SMCHD1: variants seen among roughly 807,000 people sequenced by gnomAD.
The protein encoded by SMCHD1 is structural maintenance of chromosomes flexible hinge domain-containing protein 1.
Under a neutral mutation model 254.7 loss-of-function variants are expected in SMCHD1, and 78 were observed. That is an observed-to-expected ratio of 0.31 (90% CI 0.26 to 0.37). The LOEUF (loss-of-function observed/expected upper bound fraction) is 0.37. Among genes scored for constraint, SMCHD1 ranks in the 10% least tolerant of loss-of-function variants. SMCHD1 has a pLI of 1.00. For synonymous variants in SMCHD1, 766 were observed against 794.9 expected (o/e 0.96, Z 0.61); for missense variants, 1,840 against 2,408.1 (o/e 0.76, Z 4.94).
intron 5 of SMCHD1, among the ~76,000 whole-genome samples, chr18:2,678,847 G>GTTT (rs553506758): frequency 1.4e-5 from 1 of 70,510 alleles, no homozygotes; most frequent in Non-Finnish European, 3.5e-5. Flanking sequence ...TTGTTTGTTT[G>GTTT]TTTTTTTGTT....
chr18:2,715,076 G>C (rs2074766902), intron 17 of SMCHD1, among the ~76,000 whole-genome samples: 1 of 152,082 alleles, frequency 6.6e-6, no homozygotes, highest in Non-Finnish European at 1.5e-5. Context: ...TCTATATATT[G>C]TAGTGAGGCC....
At chr18:2,752,339 A>G (rs2075590878) in intron 33 of SMCHD1, 149 bp from the exon 34 acceptor site, 2 of 628,010 alleles carry the variant, frequency 3.2e-6, no homozygotes, top group East Asian at 6.0e-5. Flanking sequence ...TATTATGAAG[A>G]TATAAACGTG....
intron 3 of SMCHD1, among the ~76,000 whole-genome samples, chr18:2,668,500 T>C (rs1177159845): frequency 6.6e-6 from 1 of 152,210 alleles, no homozygotes; most frequent in South Asian, 2.1e-4. Context: ...ATTTAAACTT[T>C]AGGAGAGTGA....
chr18:2,709,602 GT>G lies in SMCHD1; in HGVS notation c.2260+1688del, dbSNP rs200044352. ...AGATATGAAGTGGTATCTTACTGTG[GT>G]TTTTTCCCCCCTTTTTCCTACTAAA... On this transcript the variant is annotated intron_variant, in intron 17 of 47. Coordinates refer to ENST00000320876, the MANE Select transcript of SMCHD1 (RefSeq NM_015295.3). 6.5e-3 allele frequency among the ~76,000 whole-genome samples: 989 copies of G among 152,126 alleles called. 18 individuals carry two copies. The highest frequency in any genetic ancestry group is 0.055 in the South Asian group (264 of 4,818).
Position 2,700,900 on chromosome 18 carries a change from A to C in SMCHD1, c.1629A>C (p.Thr543=). The stretch of plus-strand genomic sequence containing the variant: ...TGAAAGATAAGAACACCCTTTTTAC[A>C]AGGATTTTAAATGGACAGGTATGAT... The part of the protein sequence containing the change: ...LKLKDKNTLF[T]RILNGQEQRM... The change falls in exon 12 of 48, where the codon ACA becomes ACC. Residue 543 remains threonine, a synonymous_variant. Transcript: ENST00000320876. The C allele has an allele frequency of 6.3e-7, 1 of 1,597,672 alleles. No individual in the cohort carries two copies. The highest frequency in any genetic ancestry group is 8.5e-7 in the Non-Finnish European group (1 of 1,172,640).
chr18:2,707,556 A>C lies in SMCHD1; in HGVS notation c.2064-7A>C. The C allele has an allele frequency of 6.3e-7, 1 of 1,581,074 alleles. No homozygotes were observed. The highest frequency in any genetic ancestry group is 8.6e-7 in the Non-Finnish European group (1 of 1,160,716). Reference sequence around the variant, plus strand: ...TGTGGAACATTAATATGCTGGTTTCATAACAGGCTCCCTGATAGATTGTCA... The same window carrying C: ...TGTGGAACATTAATATGCTGGTTTCCTAACAGGCTCCCTGATAGATTGTCA... On this transcript the variant is annotated splice_polypyrimidine_tract_variant and splice_region_variant and intron_variant, in intron 15 of 47. Coordinates refer to ENST00000320876, the MANE Select transcript of SMCHD1 (RefSeq NM_015295.3).
chr18:2,706,643 CAG>C (rs1380175206), intron 15 of SMCHD1, 173 bp downstream of exon 15: 6 of 430,780 alleles, frequency 1.4e-5, no homozygotes, highest in African/African-American at 4.1e-5. Flanking sequence ...GTTATACAAA[CAG>C]AATTCTGCAT....
At chr18:2,795,170 C>T (rs2076238957) in intron 45 of SMCHD1, among the ~76,000 whole-genome samples, 1 of 152,154 alleles carries the variant, frequency 6.6e-6, no homozygotes, top group Admixed American at 6.5e-5. Context: ...TCTCCTGCCT[C>T]AGCCTCCCAA....
chr18:2,697,189 A>G (rs999771679), intron 9 of SMCHD1, 67 bp downstream of exon 9: 3 of 760,196 alleles, frequency 3.9e-6, no homozygotes, highest in Admixed American at 7.1e-5. Context: ...CAAATGACTC[A>G]GGATAATAAA....
chr18:2,709,356 C>T (rs924409728), intron 17 of SMCHD1, among the ~76,000 whole-genome samples: 5 of 151,950 alleles, frequency 3.3e-5, no homozygotes, highest in African/African-American at 9.7e-5. Flanking sequence ...CTCCTGTGAA[C>T]ATCAGTGTAC....
At chr18:2,676,393 G>A (rs2143859430) in intron 5 of SMCHD1, among the ~76,000 whole-genome samples, 1 of 152,308 alleles carries the variant, frequency 6.6e-6, no homozygotes, top group African/African-American at 2.4e-5. Flanking sequence ...GCCTCTTTGA[G>A]ATTATATTTG....
intron 34 of SMCHD1, among the ~76,000 whole-genome samples, chr18:2,758,084 G>A (rs983700625): frequency 2.6e-5 from 4 of 152,072 alleles, no homozygotes; most frequent in Non-Finnish European, 5.9e-5. Context: ...ATTCTTTTAA[G>A]TGTATCTTTT....
chr18:2,700,417 G>A (rs1040751683), intron 10 of SMCHD1, 122 bp from the exon 11 acceptor site: 2 of 1,062,432 alleles, frequency 1.9e-6, no homozygotes, highest in Non-Finnish European at 1.3e-6. Flanking sequence ...CTTTTTGTGG[G>A]CAAACAGTAT....
chr18:2,678,209 T>TTTTCTTTCTTTCTTTC (rs149849879), intron 5 of SMCHD1, among the ~76,000 whole-genome samples: 1 of 110,538 alleles, frequency 9.0e-6, no homozygotes, highest in African/African-American at 3.0e-5. Context: ...CTTTTCTTTC[T>TTTTCTTTCTTTCTTTC]TTTCTTTCTT....
intron 21 of SMCHD1, among the ~76,000 whole-genome samples, chr18:2,725,211 AT>A (rs367797856): frequency 1.3e-5 from 2 of 151,956 alleles, no homozygotes; most frequent in African/African-American, 2.4e-5. Flanking sequence ...TTAAACATGA[AT>A]TAAATATTTT....
intron 39 of SMCHD1, among the ~76,000 whole-genome samples, chr18:2,770,661 G>A (rs1445961006): frequency 7.3e-5 from 11 of 151,724 alleles, no homozygotes; most frequent in African/African-American, 2.2e-4. Flanking sequence ...AGTCTCTGTC[G>A]CCCAGGCTGG....
At chr18:2,670,557 C>T (rs1048827039) in intron 3 of SMCHD1, among the ~76,000 whole-genome samples, 1 of 152,178 alleles carries the variant, frequency 6.6e-6, no homozygotes, top group South Asian at 2.1e-4. Flanking sequence ...GAACCTTCAT[C>T]TGCTTTATTC....
chr18:2,749,467 G>A (rs117092405), intron 30 of SMCHD1, among the ~76,000 whole-genome samples: 2,728 of 152,290 alleles, frequency 0.018, 40 homozygotes, highest in Middle Eastern at 0.1. Flanking sequence ...AGAACCATCT[G>A]TAAAAGGCTG....
chr18:2,684,470 C>T (rs2073994981), intron 5 of SMCHD1, among the ~76,000 whole-genome samples: 1 of 152,112 alleles, frequency 6.6e-6, no homozygotes, highest in Admixed American at 6.5e-5. Context: ...GTTTTTCCAA[C>T]CTCTTAACCT....
Sources: gnomAD v4.1 joint callset for allele counts (sites outside exome capture counted in the v4.1 genomes callset) on GRCh38, gnomAD v4.1.1 for gene constraint, MANE v1.5 for transcripts, NCBI Gene and HGNC (gene_info 2026-07-23, HGNC 2026-07-21) for gene names.